RAI14: variants seen among roughly 807,000 people sequenced by gnomAD.
RAI14 encodes the protein ankycorbin.
In RAI14, 45 loss-of-function variants were observed where a neutral mutation model predicts 115.4. That is an observed-to-expected ratio of 0.39 (90% CI 0.31 to 0.50). RAI14 has a LOEUF of 0.50. Ranked by LOEUF, RAI14 falls within the 20% of genes least tolerant of loss-of-function variation. The probability of loss-of-function intolerance (pLI) is 0.85; values close to 1 mark genes in which losing one functional copy is unlikely to be tolerated. For synonymous variants in RAI14, 371 were observed against 415.4 expected (o/e 0.89, Z 1.30); for missense variants, 939 against 1,131.2 (o/e 0.83, Z 2.44).
intron 2 of RAI14, among the ~76,000 whole-genome samples, chr5:34,743,115 A>G (rs1745732813): frequency 6.6e-6 from 1 of 152,176 alleles, no homozygotes; most frequent in African/African-American, 2.4e-5. Flanking sequence ...TGGTTGAGCA[A>G]ACCCTCTCCA....
chr5:34,718,237 T>C (rs1742232733), intron 2 of RAI14, among the ~76,000 whole-genome samples: 1 of 152,230 alleles, frequency 6.6e-6, no homozygotes, highest in African/African-American at 2.4e-5. Flanking sequence ...ATTTGGTGAT[T>C]TACAACTCTT....
At chr5:34,778,801 A>G (rs562838150) in intron 3 of RAI14, among the ~76,000 whole-genome samples, 181 of 151,888 alleles carry the variant, frequency 1.2e-3, no homozygotes, top group African/African-American at 4.2e-3. Context: ...ATATATTGGC[A>G]TATAGACTTT....
At chr5:34,742,992 C>T (rs1046416175) in intron 2 of RAI14, among the ~76,000 whole-genome samples, 1 of 152,154 alleles carries the variant, frequency 6.6e-6, no homozygotes, top group African/African-American at 2.4e-5. Context: ...CCCAAAGCAC[C>T]ACCCGGTGAT....
intron 3 of RAI14, among the ~76,000 whole-genome samples, chr5:34,779,487 C>T (rs1367185787): frequency 6.6e-6 from 1 of 152,118 alleles, no homozygotes; most frequent in East Asian, 1.9e-4. Context: ...TCGTCTCAGC[C>T]CAAAATCTCC....
chr5:34,656,768 C>T (rs1175090814), intron 1 of RAI14: 2 of 153,120 alleles, frequency 1.3e-5, no homozygotes, highest in Non-Finnish European at 2.9e-5. Context: ...CTCCGCGACT[C>T]GCAGGCCGGC....
chr5:34,689,013 C>G (rs1458548236), intron 2 of RAI14, among the ~76,000 whole-genome samples: 2 of 152,122 alleles, frequency 1.3e-5, no homozygotes, highest in East Asian at 3.9e-4. Flanking sequence ...GTTCTTAGAA[C>G]TTTACGTTCT....
chr5:34,783,257 G>T (rs1216556345), intron 3 of RAI14, among the ~76,000 whole-genome samples: 1 of 152,160 alleles, frequency 6.6e-6, no homozygotes, highest in Admixed American at 6.5e-5. Context: ...ACAGCTTCTT[G>T]TTCTGTCCTC....
intron 2 of RAI14, among the ~76,000 whole-genome samples, chr5:34,746,420 A>G (rs1746233464): frequency 7.4e-6 from 1 of 134,232 alleles, no homozygotes; most frequent in Non-Finnish European, 1.6e-5. Flanking sequence ...TTTTTTTTTA[A>G]CGGAGACAGA....
At chr5:34,724,173 C>T (rs1039963674) in intron 2 of RAI14, among the ~76,000 whole-genome samples, 1 of 152,120 alleles carries the variant, frequency 6.6e-6, no homozygotes, top group African/African-American at 2.4e-5. Flanking sequence ...TGCACTACCA[C>T]ATCCAGCTAA....
At chr5:34,726,807 C>T (rs756052541) in intron 2 of RAI14, among the ~76,000 whole-genome samples, 30 of 152,130 alleles carry the variant, frequency 2.0e-4, no homozygotes, top group Non-Finnish European at 1.2e-4. Context: ...TTTTGTGTTC[C>T]GCTATGATTG....
intron 2 of RAI14, among the ~76,000 whole-genome samples, chr5:34,717,681 A>C (rs553900895): frequency 6.6e-6 from 1 of 151,818 alleles, no homozygotes; most frequent in Non-Finnish European, 1.5e-5. Flanking sequence ...CAGTCACCCC[A>C]CCCATGCCCG....
intron 2 of RAI14, among the ~76,000 whole-genome samples, chr5:34,714,098 G>A (rs368130210): frequency 1.1e-4 from 16 of 152,142 alleles, no homozygotes; most frequent in African/African-American, 3.6e-4. Context: ...CACCTCGCCC[G>A]GCCTTTGAAT....
At chr5:34,810,286 G>C (rs1224795373) in intron 7 of RAI14, among the ~76,000 whole-genome samples, 1 of 152,070 alleles carries the variant, frequency 6.6e-6, no homozygotes, top group Non-Finnish European at 1.5e-5. Flanking sequence ...GTTTGTGTCA[G>C]ACCTAAGATT....
At chr5:34,771,911 G>GT (rs1336634909) in intron 3 of RAI14, among the ~76,000 whole-genome samples, 2 of 151,664 alleles carry the variant, frequency 1.3e-5, no homozygotes, top group African/African-American at 4.8e-5. Context: ...TTTGTTTTTT[G>GT]TTTTTTTGGG....
At chr5:34,730,780 C>T (rs1253871094) in intron 2 of RAI14, among the ~76,000 whole-genome samples, 1 of 145,182 alleles carries the variant, frequency 6.9e-6, no homozygotes, top group Non-Finnish European at 1.6e-5. Flanking sequence ...GTCAGCAGTT[C>T]AAGACCAGCC....
At chr5:34,729,954 A>T (rs902783405) in intron 2 of RAI14, among the ~76,000 whole-genome samples, 7 of 152,152 alleles carry the variant, frequency 4.6e-5, no homozygotes, top group South Asian at 4.1e-4. Context: ...TCATTTTTTT[A>T]AAAAAAGTTC....
intron 3 of RAI14, among the ~76,000 whole-genome samples, chr5:34,775,710 A>G (rs1319560746): frequency 6.6e-5 from 10 of 152,220 alleles, no homozygotes; most frequent in Non-Finnish European, 1.5e-5. Context: ...TGAGCTAACT[A>G]CTATGAGCTA....
At chr5:34,704,127 G>T (rs565606772) in intron 2 of RAI14, among the ~76,000 whole-genome samples, 2 of 152,258 alleles carry the variant, frequency 1.3e-5, no homozygotes, top group African/African-American at 4.8e-5. Flanking sequence ...GAAGTTTGAG[G>T]TCTAATCCGG....
At chr5:34,683,949 G>C (rs540160715) in intron 1 of RAI14, among the ~76,000 whole-genome samples, 55 of 152,204 alleles carry the variant, frequency 3.6e-4, no homozygotes, top group Non-Finnish European at 6.8e-4. Context: ...GGATGATCTC[G>C]ATTTCCTGAC....
Sources: gnomAD v4.1 joint callset for allele counts (sites outside exome capture counted in the v4.1 genomes callset) on GRCh38, gnomAD v4.1.1 for gene constraint, MANE v1.5 for transcripts, NCBI Gene and HGNC (gene_info 2026-07-23, HGNC 2026-07-21) for gene names.